The following BCAS1 variants were observed in gnomAD, a reference collection of about 807,000 sequenced individuals.
The protein encoded by BCAS1 is breast carcinoma-amplified sequence 1.
Under a neutral mutation model 65.4 loss-of-function variants are expected in BCAS1, and 46 were observed. The ratio of observed to expected loss-of-function variants is 0.70; its 90% CI spans 0.55 to 0.90. The LOEUF (loss-of-function observed/expected upper bound fraction) is 0.90, where lower values mean the gene tolerates loss of function less well. Among genes scored for constraint, BCAS1 ranks in the 40% least tolerant of loss-of-function variants. The pLI, the probability that BCAS1 is intolerant of heterozygous loss-of-function variation, is 0.00. For synonymous variants in BCAS1, 298 were observed against 293.5 expected (o/e 1.02, Z -0.16); for missense variants, 793 against 771.2 (o/e 1.03, Z -0.33).
At position 53,996,050 on chromosome 20, in the gene BCAS1, C is replaced by A; in HGVS notation, c.724G>T (p.Asp242Tyr). The change falls in exon 5 of 13, where the codon GAC (aspartate) becomes TAC (tyrosine). Residue 242 changes from aspartate to tyrosine, a missense_variant and splice_region_variant. Transcript: ENST00000688948. The part of the protein sequence containing the change: ...GQSDDVPAGK[D>Y]IVDGKEKEGQ... The stretch of plus-strand genomic sequence containing the variant: ...TCTTTTTCCTTGCCGTCAACTATGT[C>A]CTAGGGGCAAAACAGTTGTCACAGT... 6.3e-7 allele frequency: 1 copy of A among 1,589,946 alleles called. No individual in the cohort carries two copies. Among genetic ancestry groups the A allele is most frequent in the South Asian group, 1.1e-5 (1 of 87,618 alleles).
chr20:54,019,925 T>A (rs1283451361), intron 4 of BCAS1, among the ~76,000 whole-genome samples: 2 of 152,146 alleles, frequency 1.3e-5, no homozygotes, highest in Non-Finnish European at 2.9e-5. Context: ...GCTTCCTACC[T>A]CCTCAGCTTG....
At chr20:54,061,450 C>T (rs190819297) in intron 1 of BCAS1, among the ~76,000 whole-genome samples, 175 of 152,320 alleles carry the variant, frequency 1.1e-3, no homozygotes, top group Admixed American at 3.7e-3. Flanking sequence ...TCTCCAAAGA[C>T]CTAGCTTCTG....
rs1327056421 is a variant in BCAS1, at chr20:53,953,556, G to T, written c.1691C>A (p.Ala564Asp). The T allele has an allele frequency of 6.2e-7, 1 of 1,613,702 alleles. No individual in the cohort carries two copies. Among genetic ancestry groups the T allele is most frequent in the Non-Finnish European group, 8.5e-7 (1 of 1,179,974 alleles). Residue 564 changes from alanine (A) to aspartate (D), a missense_variant, in exon 12 of 13, where the codon GCC becomes GAC. Physicochemically the swap from Ala to Asp is moderately radical, Grantham distance 126. Coordinates refer to ENST00000688948, the MANE Select transcript of BCAS1 (RefSeq NM_001366298.2). ...CTCTGTGCACTGGGCTGGTTCTTTG[G>T]CTTCCTGCTTGTTGCTCTTCTGCTT... The part of the protein sequence containing the change: ...MNKQKSNKQE[A>D]KEPAQCTEQA...
chr20:54,048,863 C>G (rs2092159134), intron 3 of BCAS1, among the ~76,000 whole-genome samples: 1 of 152,178 alleles, frequency 6.6e-6, no homozygotes, highest in African/African-American at 2.4e-5. Flanking sequence ...TTTAGTGTAT[C>G]TCAGGCCTTG....
intron 11 of BCAS1, 104 bp downstream of exon 11, chr20:53,957,328 T>G: frequency 9.6e-7 from 1 of 1,046,792 alleles, no homozygotes; most frequent in Non-Finnish European, 1.5e-6. Flanking sequence ...TCCTGAGATA[T>G]TAAATGAGTT....
intron 7 of BCAS1, among the ~76,000 whole-genome samples, chr20:53,992,134 T>C (rs1030648543): frequency 6.7e-6 from 1 of 149,708 alleles, no homozygotes; most frequent in African/African-American, 2.5e-5. Flanking sequence ...ATTTTCTATA[T>C]ATGATATAAA....
At chr20:53,981,336 T>TA (rs2090472956) in intron 8 of BCAS1, among the ~76,000 whole-genome samples, 2 of 152,190 alleles carry the variant, frequency 1.3e-5, no homozygotes, top group South Asian at 4.1e-4. Context: ...GGGAAGGTGT[T>TA]AAAATCTGTA....
intron 10 of BCAS1, among the ~76,000 whole-genome samples, chr20:53,965,913 C>T (rs2090013455): frequency 6.6e-6 from 1 of 151,274 alleles, no homozygotes; most frequent in Non-Finnish European, 1.5e-5. Flanking sequence ...TAGTAACTTC[C>T]AGTTAGATGC....
In BCAS1 at chr20:54,037,225, G is replaced by T. The variant is rs540785231; in HGVS notation, c.143-8253C>A. 1.8e-3 allele frequency among the ~76,000 whole-genome samples: 276 copies of T among 151,432 alleles called. 10 individuals are homozygous for T. Among genetic ancestry groups the T allele is most frequent in the Middle Eastern group, 3.4e-3 (1 of 290 alleles). ...AGGCCTCAGGAAACTTACAATCATG[G>T]TGGAAGTCAAAGGGGGAGCAAGGAC... On this transcript the variant is annotated intron_variant, in intron 3 of 12. Transcript: ENST00000688948.
At chr20:54,051,808 G>A (rs1257543953) in intron 3 of BCAS1, among the ~76,000 whole-genome samples, 1 of 151,806 alleles carries the variant, frequency 6.6e-6, no homozygotes. Context: ...CACGATCTTG[G>A]CTCACTGCAA....
intron 4 of BCAS1, among the ~76,000 whole-genome samples, chr20:54,018,608 T>C (rs1049868231): frequency 1.3e-5 from 2 of 152,120 alleles, no homozygotes; most frequent in African/African-American, 4.8e-5. Flanking sequence ...AGTGCTGGGA[T>C]TACAGGCGTG....
chr20:54,058,016 C>A, intron 3 of BCAS1, 69 bp downstream of exon 3: 7 of 1,096,308 alleles, frequency 6.4e-6, no homozygotes, highest in Non-Finnish European at 9.4e-6. Context: ...TTTTTTTTCA[C>A]CGTAAACAGC....
chr20:54,050,266 C>T (rs1015076464), intron 3 of BCAS1, among the ~76,000 whole-genome samples: 5 of 152,208 alleles, frequency 3.3e-5, no homozygotes, highest in Non-Finnish European at 7.3e-5. Flanking sequence ...ATAATATCAT[C>T]ATCTCACATT....
At chr20:53,975,304 A>G in intron 9 of BCAS1, 85 bp downstream of exon 9, 1 of 1,213,836 alleles carries the variant, frequency 8.2e-7, no homozygotes, top group Non-Finnish European at 1.2e-6. Context: ...GCAAGAACAC[A>G]GGACCCCAGA....
At chr20:53,982,831 C>T (rs139619807) in intron 8 of BCAS1, among the ~76,000 whole-genome samples, 1 of 152,240 alleles carries the variant, frequency 6.6e-6, no homozygotes, top group African/African-American at 2.4e-5. Context: ...TTAGCACAAA[C>T]TATATAGCAC....
intron 3 of BCAS1, among the ~76,000 whole-genome samples, chr20:54,039,341 T>C (rs994127427): frequency 6.6e-6 from 1 of 151,562 alleles, no homozygotes; most frequent in Admixed American, 6.6e-5. Flanking sequence ...AAGAAAAGGA[T>C]GGGATTTTGG....
At chr20:54,058,239 T>C in intron 2 of BCAS1, 85 bp from the exon 3 acceptor site, 1 of 1,218,784 alleles carries the variant, frequency 8.2e-7, no homozygotes, top group Non-Finnish European at 1.2e-6. Context: ...GATACAAGGG[T>C]GTCTCACAAA....
intron 3 of BCAS1, among the ~76,000 whole-genome samples, chr20:54,049,432 A>G (rs1388934843): frequency 6.6e-6 from 1 of 152,204 alleles, no homozygotes; most frequent in Non-Finnish European, 1.5e-5. Context: ...GGAATCAAAG[A>G]AGGCCAAAAA....
chr20:53,995,102 G>C (rs1387698292), intron 5 of BCAS1, 46 bp from the exon 6 acceptor site: 1 of 1,529,168 alleles, frequency 6.5e-7, no homozygotes, highest in Admixed American at 1.7e-5. Context: ...TTGCTCTTTA[G>C]AGTGATTTTT....
Sources: gnomAD v4.1 joint callset for allele counts (sites outside exome capture counted in the v4.1 genomes callset) on GRCh38, gnomAD v4.1.1 for gene constraint, MANE v1.5 for transcripts, NCBI Gene and HGNC (gene_info 2026-07-23, HGNC 2026-07-21) for gene names.